LACTBL1: variants seen among roughly 807,000 people sequenced by gnomAD.
LACTBL1 encodes lactamase beta like 1.
Under a neutral mutation model 39.6 loss-of-function variants are expected in LACTBL1, and 29 were observed. The observed-to-expected ratio is 0.73, with a 90% CI of 0.55 to 1.00. LACTBL1 has a LOEUF of 1.00. Ranked by LOEUF, LACTBL1 falls within the 50% of genes least tolerant of loss-of-function variation. The probability of loss-of-function intolerance (pLI) is 0.00; values close to 1 mark genes in which losing one functional copy is unlikely to be tolerated. For missense variants in LACTBL1, 711 were observed against 748.5 expected (o/e 0.95, Z 0.59); for synonymous variants, 361 against 360.7 (o/e 1.00, Z -0.01).
At chr1:22,955,830 A>C (rs1345017250) in intron 4 of LACTBL1, among the ~76,000 whole-genome samples, 1 of 152,140 alleles carries the variant, frequency 6.6e-6, no homozygotes, top group African/African-American at 2.4e-5. Context: ...TGGGAGGCCA[A>C]GGTGGGCGGA....
chr1:22,971,145 G>C, the LACTBL1 span, among the ~76,000 whole-genome samples: 1 of 152,150 alleles, frequency 6.6e-6, no homozygotes, highest in Non-Finnish European at 1.5e-5. Context: ...AAAATTCAGA[G>C]GCATTAATTG....
upstream of LACTBL1, chr1:22,965,481 G>C: frequency 9.0e-6 from 11 of 1,216,230 alleles, no homozygotes; most frequent in Non-Finnish European, 1.1e-5. Flanking sequence ...AGAGGGAAGA[G>C]AGGGACCCTA....
intron 2 of LACTBL1, among the ~76,000 whole-genome samples, chr1:22,960,370 C>T (rs1339152708): frequency 2.6e-5 from 4 of 152,108 alleles, no homozygotes. Context: ...AATCTTAGCA[C>T]TTTGGGAAGC....
upstream of LACTBL1, among the ~76,000 whole-genome samples, chr1:22,967,425 TC>T (rs1186962356): frequency 6.6e-6 from 1 of 151,916 alleles, no homozygotes; most frequent in Non-Finnish European, 1.5e-5. Context: ...ATACCTGTGG[TC>T]CCAGCTACTC....
chr1:22,970,645 A>G, the LACTBL1 span, among the ~76,000 whole-genome samples: 3 of 151,958 alleles, frequency 2.0e-5, no homozygotes, highest in Middle Eastern at 3.2e-3. Context: ...CTGCCTGTAC[A>G]AAAAAATAGA....
intron 2 of LACTBL1, 88 bp from the exon 5 acceptor site, chr1:22,960,187 A>C: frequency 6.8e-7 from 1 of 1,464,856 alleles, no homozygotes; most frequent in Non-Finnish European, 9.2e-7. Flanking sequence ...CCATAGTCAC[A>C]CCCTGCATGC....
chr1:22,959,098 A>G (rs2124229649), intron 3 of LACTBL1, among the ~76,000 whole-genome samples, 178 bp from the exon 6 acceptor site: 1 of 152,324 alleles, frequency 6.6e-6, no homozygotes, highest in South Asian at 2.1e-4. Flanking sequence ...ATGCTTGAGA[A>G]CGTAACCAGA....
At chr1:22,960,891 C>T (rs909846677) in intron 2 of LACTBL1, among the ~76,000 whole-genome samples, 2 of 152,002 alleles carry the variant, frequency 1.3e-5, no homozygotes, top group Admixed American at 1.3e-4. Context: ...GTGATCCTCC[C>T]GCCTCAACCT....
At chr1:22,965,470 C>A, upstream of LACTBL1, 1 of 1,230,532 alleles carries the variant, frequency 8.1e-7, no homozygotes, top group South Asian at 4.1e-5. Context: ...GGGGGTCAGT[C>A]AGAGGGAAGA....
intron 4 of LACTBL1, among the ~76,000 whole-genome samples, chr1:22,957,415 G>A (rs1021150571): frequency 6.6e-6 from 1 of 152,052 alleles, no homozygotes; most frequent in Non-Finnish European, 1.5e-5. Context: ...GGGGACATAC[G>A]TTTTAAATTG....
rs967385628 is a variant in LACTBL1 at position 22,953,095 on chromosome 1, T to A, written c.1589A>T (p.Asn530Ile). ...CCGCAGCCGCAGCACTCTGTACGTG[T>A]TGAGGCCGGGCACGTCGAAGCCGGG... The change falls in exon 6 of 6, where the codon AAC becomes ATC. Residue 530 changes from asparagine (N) to isoleucine (I), a missense_variant. Transcript: ENST00000426928. 4.9e-6 allele frequency: 6 copies of A among 1,232,094 alleles called. No homozygotes were observed. In the East Asian group the frequency reaches 1.9e-4, roughly 39 times the overall value. 76.3% of individuals were successfully genotyped at this position (1,232,094 alleles called of 1,614,324 possible).
chr1:22,967,157 C>A (rs960666459), upstream of LACTBL1, among the ~76,000 whole-genome samples: 7 of 152,042 alleles, frequency 4.6e-5, no homozygotes, highest in Non-Finnish European at 1.0e-4. Context: ...TCACTTGAGC[C>A]CAGGAGTTCA....
chr1:22,953,692 G>C (rs1640732306), exon 6 of LACTBL1: 1 of 1,298,076 alleles, frequency 7.7e-7, no homozygotes, highest in Non-Finnish European at 9.7e-7. Context: ...CAGCAGCGGC[G>C]CCAGCAGCGT....
intron 1 of LACTBL1, among the ~76,000 whole-genome samples, chr1:22,963,859 G>A (rs557391898): frequency 2.6e-5 from 4 of 152,168 alleles, no homozygotes; most frequent in South Asian, 2.1e-4. Context: ...CATCCTCCTC[G>A]TCTTCCACTG....
At chr1:22,953,239 T>C (rs1050660916) in exon 6 of LACTBL1, 136 of 1,231,664 alleles carry the variant, frequency 1.1e-4, no homozygotes, top group Non-Finnish European at 1.9e-5. Flanking sequence ...CACGTGCAGC[T>C]GGAAGACGCG....
chr1:22,959,991 T>G (rs543692533), exon 3 of LACTBL1: 1 of 1,551,150 alleles, frequency 6.4e-7, no homozygotes, highest in Non-Finnish European at 8.7e-7. Context: ...TCTGAGCCAT[T>G]CTTCTTCCCA....
intron 3 of LACTBL1, among the ~76,000 whole-genome samples, chr1:22,959,502 G>A (rs1216133083): frequency 6.6e-6 from 1 of 152,234 alleles, no homozygotes; most frequent in Non-Finnish European, 1.5e-5. Context: ...TGAGGATCCT[G>A]CAGGCAGCAT....
chr1:22,960,773 GTTAT>G lies in LACTBL1; in HGVS notation c.160-678_160-675del, dbSNP rs201801003. 4.6e-3 allele frequency among the ~76,000 whole-genome samples: 705 copies of G among 151,870 alleles called. 7 individuals carry two copies. The highest frequency in any genetic ancestry group is 0.015 in the African/African-American group (636 of 41,394). ...TAGGCCCTCTTTGCACGTTTGTTTG[GTTAT>G]TTATTTATTTTATTTGTTTTTAGAT... On this transcript the variant is annotated intron_variant, in intron 2 of 5. Coordinates refer to ENST00000426928, the Ensembl canonical transcript of LACTBL1.
At chr1:22,969,148 T>C (rs1446029474), upstream of LACTBL1, among the ~76,000 whole-genome samples, 2 of 152,356 alleles carry the variant, frequency 1.3e-5, no homozygotes, top group Admixed American at 1.3e-4. Context: ...TTATCAGTAT[T>C]GTCTTTTTGG....
Sources: gnomAD v4.1 joint callset for allele counts (sites outside exome capture counted in the v4.1 genomes callset) on GRCh38, gnomAD v4.1.1 for gene constraint, MANE v1.5 for transcripts, NCBI Gene and HGNC (gene_info 2026-07-23, HGNC 2026-07-21) for gene names.